The following SLC11A1 variants were observed in gnomAD, a reference collection of about 807,000 sequenced individuals.
SLC11A1 encodes the protein solute carrier family 11 member 1.
Under a neutral mutation model 63.2 loss-of-function variants are expected in SLC11A1, and 59 were observed. That is an observed-to-expected ratio of 0.93 (90% CI 0.76 to 1.16). The LOEUF (loss-of-function observed/expected upper bound fraction) is 1.16. Among genes scored for constraint, SLC11A1 ranks in the 50% most tolerant of loss-of-function variants. The pLI, the probability that SLC11A1 is intolerant of heterozygous loss-of-function variation, is 0.00. For missense variants in SLC11A1, 688 were observed against 730.7 expected (o/e 0.94, Z 0.67); for synonymous variants, 305 against 307.8 (o/e 0.99, Z 0.09).
Position 218,382,592 on chromosome 2 carries a change from T to C in SLC11A1, c.7+217T>C, listed in dbSNP as rs117387398. Reference sequence around the variant, plus strand: ...CCCTAAGCGGTCTACCTTTCCTTTGTCTGAAGTCCGTGGATCAAAGCCCCT... The same window carrying C: ...CCCTAAGCGGTCTACCTTTCCTTTGCCTGAAGTCCGTGGATCAAAGCCCCT... On this transcript the variant is annotated intron_variant, in intron 1 of 14. Transcript: ENST00000233202. Among the ~76,000 whole-genome samples the C allele has an allele frequency of 5.9e-5, 9 of 152,306 alleles. No homozygotes were observed. The East Asian group carries it at 1.7e-3, about 29-fold the overall frequency.
In SLC11A1 at chr2:218,394,798, C is replaced by T; in HGVS notation, c.1542+13C>T. On this transcript the variant is annotated intron_variant, in intron 14 of 14. Coordinates refer to ENST00000233202, the MANE Select transcript of SLC11A1 (RefSeq NM_000578.4). ...CAGCACCTACCTGGTACAGTAGGGC[C>T]AGGGGATGCCTTGGGAATGGATGAG... The T allele has an allele frequency of 1.2e-6, 2 of 1,611,142 alleles. No individual in the cohort carries two copies. The highest frequency in any genetic ancestry group is 2.2e-5 in the South Asian group (2 of 91,082).
intron 8 of SLC11A1, among the ~76,000 whole-genome samples, chr2:218,389,516 G>A (rs554823831): frequency 1.5e-4 from 23 of 152,086 alleles, no homozygotes; most frequent in Non-Finnish European, 2.5e-4. Flanking sequence ...ATTGCACCAC[G>A]GCACTCCAGT....
Position 218,387,965 on chromosome 2 carries a change from G to C in SLC11A1, c.795+10G>C. 6.3e-7 allele frequency: 1 copy of C among 1,593,194 alleles called. No homozygotes were observed. Among genetic ancestry groups the C allele is most frequent in the Non-Finnish European group, 8.6e-7 (1 of 1,167,970 alleles). On this transcript the variant is annotated intron_variant, in intron 8 of 14. Transcript: ENST00000233202. ...CTCGGCCCTGGTCAAGGTGAGCAGAGGGGAGGGGAAAGGAGACCCCCTCAC... is the reference window on the plus strand; with the variant it reads ...CTCGGCCCTGGTCAAGGTGAGCAGACGGGAGGGGAAAGGAGACCCCCTCAC...
Position 218,384,209 on chromosome 2 carries a change from ACC to A in SLC11A1, c.151-30_151-29del. 1 of 1,559,898 alleles carries A rather than the reference ACC, an allele frequency of 6.4e-7. No homozygotes were observed. The highest frequency in any genetic ancestry group is 8.7e-7 in the Non-Finnish European group (1 of 1,143,894). ...AGCTGCCACCATCCCTATACCCAGGACCCCCTCACTCTACTCCTCCCACCCCC... is the reference window on the plus strand; with the variant it reads ...AGCTGCCACCATCCCTATACCCAGGACCCTCACTCTACTCCTCCCACCCCC... On this transcript the variant is annotated intron_variant, in intron 2 of 14. Coordinates refer to ENST00000233202, the MANE Select transcript of SLC11A1 (RefSeq NM_000578.4). The surrounding 1 kb of genome is among the most constrained non-coding windows in gnomAD (Gnocchi z 4.0).
chr2:218,392,073 CTTT>C, intron 11 of SLC11A1: 1 of 383,860 alleles, frequency 2.6e-6, no homozygotes, highest in Non-Finnish European at 5.2e-6. Flanking sequence ...TTCTTTCTTT[CTTT>C]CCTTTTTTTT....
rs1196746899 is a variant in SLC11A1 at position 218,387,784 on chromosome 2, A to T, written c.640-16A>T. The T allele has an allele frequency of 5.6e-6, 9 of 1,610,716 alleles. No individual in the cohort carries two copies. The highest frequency in any genetic ancestry group is 7.6e-6 in the Non-Finnish European group (9 of 1,179,034). On this transcript the variant is annotated splice_polypyrimidine_tract_variant and intron_variant, in intron 7 of 14. Transcript: ENST00000233202. ...GCGAGGGGCGGGGCTTGTCCTGACC[A>T]GGCTCCTCCCTGCAGTATGTGGTGG...
At chr2:218,386,600 C>T in intron 4 of SLC11A1, 35 bp from the exon 5 acceptor site, 1 of 1,472,154 alleles carries the variant, frequency 6.8e-7, no homozygotes, top group Non-Finnish European at 9.4e-7. Flanking sequence ...AAATAACCGG[C>T]CCACCCTTAA....
At position 218,391,476 on chromosome 2, in the gene SLC11A1, C is replaced by A. The variant is rs371359025; in HGVS notation, c.1145C>A (p.Ala382Glu). ...AGCTCCACCATGACGGGCACCTACGCGGGACAGTTCGTGATGGAGGTAGGG... is the reference window on the plus strand; with the variant it reads ...AGCTCCACCATGACGGGCACCTACGAGGGACAGTTCGTGATGGAGGTAGGG... The part of the protein sequence containing the change: ...GQSSTMTGTY[A>E]GQFVMEGFLR... Residue 382 changes from alanine (A) to glutamate (E), a missense_variant, in exon 11 of 15, where the codon GCG (alanine) becomes GAG (glutamate). Ala to Glu is a moderately radical substitution (Grantham distance 107, BLOSUM62 -1). Coordinates refer to ENST00000233202, the MANE Select transcript of SLC11A1 (RefSeq NM_000578.4). The A allele has an allele frequency of 1.9e-6, 3 of 1,601,918 alleles. No homozygotes were observed. The highest frequency in any genetic ancestry group is 1.1e-5 in the South Asian group (1 of 89,208).
At chr2:218,388,561 AGGCG>A (rs1219708674) in intron 8 of SLC11A1, among the ~76,000 whole-genome samples, 1 of 151,400 alleles carries the variant, frequency 6.6e-6, no homozygotes, top group African/African-American at 2.4e-5. Context: ...CAGGAGGCCG[AGGCG>A]GGCGGGCGGA....
At chr2:218,390,775 C>T (rs1369779145) in intron 9 of SLC11A1, among the ~76,000 whole-genome samples, 1 of 152,170 alleles carries the variant, frequency 6.6e-6, no homozygotes, top group Non-Finnish European at 1.5e-5. Flanking sequence ...GGCATGGCAG[C>T]CAGCTGTCTC....
chr2:218,387,481 C>A, intron 6 of SLC11A1, 84 bp from the exon 7 acceptor site: 3 of 1,391,244 alleles, frequency 2.2e-6, no homozygotes, highest in Non-Finnish European at 3.0e-6. Context: ...TGCCTAGAAG[C>A]GCTCGTAGTA....
Position 218,384,123 on chromosome 2 carries a change from C to A in SLC11A1, c.151-120C>A. On this transcript the variant is annotated intron_variant, in intron 2 of 14. Coordinates refer to ENST00000233202, the MANE Select transcript of SLC11A1 (RefSeq NM_000578.4). The surrounding 1 kb of genome is among the most constrained non-coding windows in gnomAD (Gnocchi z 4.0). ...TTGGGTGGCAGACCCAGGAATGGGC[C>A]ATGGAGGGCAGGGCTGGGCTGATGA... The A allele has an allele frequency of 2.7e-6, 3 of 1,091,160 alleles. No individual in the cohort carries two copies. The highest frequency in any genetic ancestry group is 1.6e-5 in the African/African-American group (1 of 62,688). The allele number at this position is 1,091,160 out of a possible 1,614,324, so 67.6% of individuals were successfully genotyped here. A position where few individuals can be genotyped will look rare whatever the true frequency, so the allele number is the denominator to read the frequency against.
intron 4 of SLC11A1, 157 bp downstream of exon 4, chr2:218,385,423 CTCCG>C (rs762086130): frequency 9.5e-7 from 1 of 1,051,668 alleles, no homozygotes; most frequent in African/African-American, 1.6e-5. Flanking sequence ...CGGAGTCTCG[CTCCG>C]TCGCCCAGTC....
rs958742840 is a variant in SLC11A1, at chr2:218,395,417, G to T, written c.*382G>T. ...TTGGGCGGGACACAGGCTCCAAACT[G>T]GAGCTTGAAATAGTGTCTGATGAAT... On this transcript the variant is annotated 3_prime_UTR_variant, in exon 15 of 15. Coordinates refer to ENST00000233202, the MANE Select transcript of SLC11A1 (RefSeq NM_000578.4). 5.2e-6 allele frequency: 1 copy of T among 191,858 alleles called. No homozygotes were observed. The highest frequency in any genetic ancestry group is 2.3e-5 in the African/African-American group (1 of 42,738). The allele number at this position is 191,858 out of a possible 1,614,324, so 11.9% of individuals were successfully genotyped here.
At chr2:218,387,103 G>A (rs954272833) in intron 5 of SLC11A1, 57 bp from the exon 6 acceptor site, 85 of 1,507,064 alleles carry the variant, frequency 5.6e-5, no homozygotes, top group Middle Eastern at 1.7e-4. Context: ...CTGAGGCTCC[G>A]TAGGAGTTAG....
chr2:218,389,792 C>T, intron 8 of SLC11A1, 78 bp from the exon 9 acceptor site: 1 of 1,470,866 alleles, frequency 6.8e-7, no homozygotes, highest in Non-Finnish European at 9.2e-7. Flanking sequence ...TTGGGGAGAA[C>T]ATAGAAGTGT....
At chr2:218,394,408 C>G (rs1696636501) in intron 13 of SLC11A1, 2 of 692,300 alleles carry the variant, frequency 2.9e-6, no homozygotes, top group East Asian at 5.5e-5. Context: ...GAGCGCCTCA[C>G]TCTCGCCTCA....
chr2:218,393,039 C>A lies in SLC11A1; in HGVS notation c.1223C>A (p.Ala408Asp). 1 of 1,600,594 alleles carries A rather than the reference C, an allele frequency of 6.2e-7. No homozygotes were observed. Among genetic ancestry groups the A allele is most frequent in the Non-Finnish European group, 8.5e-7 (1 of 1,176,820 alleles). Residue 408 changes from alanine to aspartate, a missense_variant, in exon 12 of 15, where the codon GCC (alanine) becomes GAC (aspartate). By Grantham distance (126) the Ala-to-Asp change is moderately radical (BLOSUM62 -2). Coordinates refer to ENST00000233202, the MANE Select transcript of SLC11A1 (RefSeq NM_000578.4). ...CGTGTCCTCCTCACCCGCTCCTGCG[C>A]CATCCTGCCCACCGTGCTCGTGGCT... ...FARVLLTRSC[A>D]ILPTVLVAVF... is the part of the protein sequence containing the mutation.
At chr2:218,382,478 G>A in intron 1 of SLC11A1, 103 bp downstream of exon 1, 2 of 1,318,700 alleles carry the variant, frequency 1.5e-6, no homozygotes, top group Admixed American at 1.9e-5. Context: ...TTGGTCCCCT[G>A]TGGAAGCCTC....
Sources: gnomAD v4.1 joint callset for allele counts (sites outside exome capture counted in the v4.1 genomes callset) on GRCh38, gnomAD v4.1.1 for gene constraint, Gnocchi (gnomAD v3.1) non-coding constraint, MANE v1.5 for transcripts, NCBI Gene and HGNC (gene_info 2026-07-23, HGNC 2026-07-21) for gene names.